SOX5: variants seen among roughly 807,000 people sequenced by gnomAD.
SOX5 encodes the protein SRY-box transcription factor 5, also known as transcription factor SOX-5.
A neutral mutation model predicts 92.0 loss-of-function variants in SOX5; 9 were observed. That is an observed-to-expected ratio of 0.10 (90% CI 0.06 to 0.17). The LOEUF is 0.17. Ranked by LOEUF, SOX5 falls within the 10% of genes least tolerant of loss-of-function variation. The pLI is 1.00. For missense variants in SOX5, 642 were observed against 944.5 expected (o/e 0.68, Z 4.20); for synonymous variants, 344 against 336.3 (o/e 1.02, Z -0.25).
At chr12:23,709,936 C>T (rs1366313041) in intron 6 of SOX5, among the ~76,000 whole-genome samples, 1 of 152,130 alleles carries the variant, frequency 6.6e-6, no homozygotes, top group African/African-American at 2.4e-5. Flanking sequence ...AACTTCTGCC[C>T]AGTCCAATAT....
rs145868021 is a variant in SOX5, at chr12:23,643,358, G to A, written c.932-2461C>T. Among the ~76,000 whole-genome samples, 29 of 152,248 alleles carry A rather than the reference G, an allele frequency of 1.9e-4. 1 individual carries two copies. In the East Asian group the frequency reaches 4.4e-3, roughly 23 times the overall value. ...GCCTAAAGGGTGTTGTTGCGGGGAAGGAACAAAGAGTTCTGTTTTAGATAT... is the reference window on the plus strand; with the variant it reads ...GCCTAAAGGGTGTTGTTGCGGGGAAAGAACAAAGAGTTCTGTTTTAGATAT... On this transcript the variant is annotated intron_variant, in intron 7 of 14. Transcript: ENST00000451604.
At chr12:23,938,211 G>T (rs934804376) in intron 1 of SOX5, among the ~76,000 whole-genome samples, 9 of 150,956 alleles carry the variant, frequency 6.0e-5, no homozygotes, top group African/African-American at 2.2e-4. Context: ...TTATATCAGT[G>T]AAAACAATTT....
chr12:24,349,193 G>A (rs924617943), intron 2 of SOX5, among the ~76,000 whole-genome samples: 5 of 152,146 alleles, frequency 3.3e-5, no homozygotes, highest in South Asian at 2.1e-4. Flanking sequence ...TCTCAGAGAC[G>A]TCTTTGCTAA....
At chr12:24,301,008 G>A (rs1342089092) in intron 2 of SOX5, among the ~76,000 whole-genome samples, 1 of 152,118 alleles carries the variant, frequency 6.6e-6, no homozygotes, top group East Asian at 1.9e-4. Context: ...TAGGAATAAC[G>A]AGAATTCGAG....
chr12:24,336,872 G>T (rs778964907), intron 2 of SOX5, among the ~76,000 whole-genome samples: 1 of 152,180 alleles, frequency 6.6e-6, no homozygotes, highest in Non-Finnish European at 1.5e-5. Flanking sequence ...TGCAGGTGGG[G>T]CCCAGTTATT....
At chr12:24,139,278 C>T (rs187746138) in intron 4 of SOX5, among the ~76,000 whole-genome samples, 16 of 152,280 alleles carry the variant, frequency 1.1e-4, no homozygotes, top group East Asian at 9.6e-4. Context: ...AAAGCCAACA[C>T]GAGCCCGGCT....
intron 2 of SOX5, among the ~76,000 whole-genome samples, chr12:23,861,917 C>A (rs1568425132): frequency 6.6e-6 from 1 of 152,108 alleles, no homozygotes; most frequent in African/African-American, 2.4e-5. Flanking sequence ...TGAACATAGA[C>A]AGGGGGTAAA....
At chr12:24,148,934 T>C (rs541880535) in intron 4 of SOX5, among the ~76,000 whole-genome samples, 113 of 151,998 alleles carry the variant, frequency 7.4e-4, no homozygotes, top group Middle Eastern at 3.4e-3. Flanking sequence ...TCCACAGATA[T>C]ATTGAAAACT....
At chr12:24,003,411 T>G (rs1364809789) in intron 4 of SOX5, among the ~76,000 whole-genome samples, 3 of 151,898 alleles carry the variant, frequency 2.0e-5, no homozygotes, top group Non-Finnish European at 4.4e-5. Context: ...GAAGAAAATC[T>G]GCAGAAACCC....
At chr12:24,182,377 A>G (rs570872012) in intron 4 of SOX5, among the ~76,000 whole-genome samples, 55 of 152,232 alleles carry the variant, frequency 3.6e-4, no homozygotes, top group Non-Finnish European at 6.8e-4. Context: ...ACGAAGGACC[A>G]ACAGCATAAA....
chr12:24,004,648 C>T (rs1000077335), intron 4 of SOX5, among the ~76,000 whole-genome samples: 3 of 152,188 alleles, frequency 2.0e-5, no homozygotes, highest in Admixed American at 6.5e-5. Context: ...GGGAAACCAG[C>T]GCCTGCATAT....
intron 6 of SOX5, among the ~76,000 whole-genome samples, chr12:23,669,518 A>G (rs2084393151): frequency 6.6e-6 from 1 of 152,060 alleles, no homozygotes; most frequent in South Asian, 2.1e-4. Flanking sequence ...GGATTAAATT[A>G]GGGTCAGTGG....
At chr12:24,259,775 A>G (rs1941810411) in intron 3 of SOX5, among the ~76,000 whole-genome samples, 1 of 152,238 alleles carries the variant, frequency 6.6e-6, no homozygotes, top group Non-Finnish European at 1.5e-5. Context: ...AGAACAAAAT[A>G]AAAGAATTTC....
intron 7 of SOX5, among the ~76,000 whole-genome samples, chr12:23,653,758 C>G (rs949015172): frequency 7.2e-5 from 11 of 152,202 alleles, no homozygotes; most frequent in African/African-American, 2.6e-4. Context: ...GACCTAATCA[C>G]CTCCTATTAA....
At chr12:23,980,077 A>G (rs1221368557) in intron 4 of SOX5, among the ~76,000 whole-genome samples, 1 of 152,080 alleles carries the variant, frequency 6.6e-6, no homozygotes, top group Non-Finnish European at 1.5e-5. Flanking sequence ...GGCCTCCCAA[A>G]GTGCGGAGAT....
At chr12:24,091,286 A>G (rs1244979311) in intron 4 of SOX5, among the ~76,000 whole-genome samples, 1 of 152,158 alleles carries the variant, frequency 6.6e-6, no homozygotes, top group Non-Finnish European at 1.5e-5. Context: ...GTTATAACCA[A>G]GTTACGATAT....
chr12:23,906,831 G>A (rs1030970302), intron 1 of SOX5, among the ~76,000 whole-genome samples: 4 of 152,000 alleles, frequency 2.6e-5, no homozygotes, highest in African/African-American at 9.7e-5. Flanking sequence ...GTGTGCTTCC[G>A]GGTTAAGGAA....
chr12:24,252,405 TGG>T (rs1189555833), intron 3 of SOX5, among the ~76,000 whole-genome samples: 1 of 152,104 alleles, frequency 6.6e-6, no homozygotes, highest in Non-Finnish European at 1.5e-5. Flanking sequence ...CACAGGTAAT[TGG>T]TAGCCTTAAG....
At chr12:24,292,994 C>G (rs779758362) in intron 2 of SOX5, among the ~76,000 whole-genome samples, 7 of 152,094 alleles carry the variant, frequency 4.6e-5, no homozygotes, top group Non-Finnish European at 7.4e-5. Context: ...CTACTAATAA[C>G]ATATCCATAG....
Sources: allele counts gnomAD v4.1 joint callset (sites outside exome capture counted in the v4.1 genomes callset), GRCh38; gene constraint gnomAD v4.1.1; transcripts MANE v1.5; gene names NCBI Gene and HGNC (gene_info 2026-07-23, HGNC 2026-07-21).